The following MGAT4D variants were observed in gnomAD, a reference collection of about 807,000 sequenced individuals.
MGAT4D encodes alpha-1,3-mannosyl-glycoprotein 4-beta-N-acetylglucosaminyltransferase-like protein MGAT4D.
MGAT4D carries 34 observed loss-of-function variants against 15.9 expected under a neutral mutation model. The observed-to-expected ratio is 2.14, with a 90% CI of 1.62 to 2.84. The LOEUF (loss-of-function observed/expected upper bound fraction) is 2.84. Ranked by LOEUF, MGAT4D falls within the 30% of genes most tolerant of loss-of-function variation. The probability of loss-of-function intolerance (pLI) is 0.00; values close to 1 mark genes in which losing one functional copy is unlikely to be tolerated. For missense variants in MGAT4D, 327 were observed against 140.2 expected, an observed-to-expected ratio of 2.33 and a Z score of -6.73; for synonymous variants, 112 against 48.2, an observed-to-expected ratio of 2.33 and a Z score of -5.49.
chr4:140,480,728 AACACACACACACAC>A (rs10615827), intron 2 of MGAT4D, among the ~76,000 whole-genome samples: 5,936 of 125,650 alleles, frequency 0.047, 199 homozygotes, highest in African/African-American at 0.088. Context: ...CTCATCTCTA[AACACACACACACAC>A]ACACACACAC....
rs528798593 is a variant in MGAT4D at position 140,494,812 on chromosome 4, C to G, written c.94+3317G>C. Among the ~76,000 whole-genome samples the G allele has an allele frequency of 1.4e-4, 22 of 152,218 alleles. No homozygotes were observed. The South Asian group carries it at 3.9e-3, about 27-fold the overall frequency. On this transcript the variant is annotated intron_variant, in intron 1 of 10. Coordinates refer to ENST00000511113, the MANE Select transcript of MGAT4D (RefSeq NM_001277353.2). ...TGCTCCTGGCATATCCTGGATAGAA[C>G]CCATGGATGCTGCTAAACATTCTAC...
At chr4:140,483,556 A>G (rs1732886963) in intron 1 of MGAT4D, among the ~76,000 whole-genome samples, 1 of 152,148 alleles carries the variant, frequency 6.6e-6, no homozygotes, top group African/African-American at 2.4e-5. Flanking sequence ...CCAAAAAGCC[A>G]AAGCAATCTT....
intron 8 of MGAT4D, chr4:140,457,849 A>G (rs1045707621): frequency 2.0e-5 from 3 of 152,172 alleles, no homozygotes; most frequent in Admixed American, 6.6e-5. Flanking sequence ...ACTGTTAACA[A>G]TAATTTTCCT....
chr4:140,474,222 A>G (rs1436003686), intron 4 of MGAT4D, among the ~76,000 whole-genome samples: 2 of 152,200 alleles, frequency 1.3e-5, no homozygotes, highest in Non-Finnish European at 2.9e-5. Flanking sequence ...TCTAGGCTTG[A>G]ATCTGCTCTG....
At chr4:140,461,423 G>T (rs1377131086) in intron 7 of MGAT4D, among the ~76,000 whole-genome samples, 1 of 152,048 alleles carries the variant, frequency 6.6e-6, no homozygotes, top group Non-Finnish European at 1.5e-5. Context: ...TAACAATGTG[G>T]AGAGATTTAT....
intron 9 of MGAT4D, among the ~76,000 whole-genome samples, chr4:140,453,643 T>C (rs899703765): frequency 1.3e-5 from 2 of 151,994 alleles, no homozygotes; most frequent in Non-Finnish European, 2.9e-5. Context: ...ATGGGGTAAA[T>C]TTCCCCCATG....
chr4:140,496,751 G>A (rs1007753482), intron 1 of MGAT4D, among the ~76,000 whole-genome samples: 64 of 152,310 alleles, frequency 4.2e-4, no homozygotes, highest in African/African-American at 1.5e-3. Context: ...ACTGAGGCAT[G>A]AGAATTGCTT....
chr4:140,474,021 A>C (rs1342351077), intron 4 of MGAT4D, among the ~76,000 whole-genome samples: 1 of 152,138 alleles, frequency 6.6e-6, no homozygotes, highest in Non-Finnish European at 1.5e-5. Flanking sequence ...GTTTTTATAC[A>C]CTTGCCTGAT....
At chr4:140,481,655 A>G (rs1303671623) in intron 2 of MGAT4D, among the ~76,000 whole-genome samples, 1 of 152,220 alleles carries the variant, frequency 6.6e-6, no homozygotes, top group Non-Finnish European at 1.5e-5. Context: ...AATTGGTGAC[A>G]TGACAATTTG....
intron 4 of MGAT4D, among the ~76,000 whole-genome samples, chr4:140,473,958 C>A (rs574738093): frequency 1.3e-5 from 2 of 152,074 alleles, no homozygotes; most frequent in South Asian, 4.2e-4. Context: ...TGCCCCAGCA[C>A]CATAAAGTGC....
intron 9 of MGAT4D, among the ~76,000 whole-genome samples, chr4:140,454,257 C>T (rs1730655784): frequency 6.6e-6 from 1 of 152,118 alleles, no homozygotes; most frequent in South Asian, 2.1e-4. Context: ...TCTAGATGCT[C>T]TTTAACATGT....
chr4:140,497,857 C>G (rs1410614879), intron 1 of MGAT4D, among the ~76,000 whole-genome samples: 1 of 152,192 alleles, frequency 6.6e-6, no homozygotes, highest in Non-Finnish European at 1.5e-5. Context: ...AAGGGAGCGG[C>G]GGGTACCCTG....
chr4:140,447,496 G>A (rs536897671), intron 10 of MGAT4D, among the ~76,000 whole-genome samples: 1 of 152,202 alleles, frequency 6.6e-6, no homozygotes, highest in East Asian at 1.9e-4. Flanking sequence ...TTTACAGTCT[G>A]TTTGGTCTGA....
rs1732809917 is a variant in MGAT4D, at chr4:140,482,498, C to CATATGT, written c.95-19_95-14dup. The CATATGT allele has an allele frequency of 1.6e-6, 1 of 620,322 alleles. No homozygotes were observed. Among genetic ancestry groups the CATATGT allele is most frequent in the Non-Finnish European group, 2.8e-6 (1 of 353,654 alleles). The allele number at this position is 620,322 out of a possible 1,614,324, so 38.4% of individuals were successfully genotyped here. ...ATTAATTGATTATCTGCAATGAAAA[C>CATATGT]ATATGTATATATTTGTACATGTAGC... On this transcript the variant is annotated splice_polypyrimidine_tract_variant and intron_variant, in intron 1 of 10. Coordinates refer to ENST00000511113, the MANE Select transcript of MGAT4D (RefSeq NM_001277353.2).
chr4:140,484,114 G>A (rs1046600508), intron 1 of MGAT4D, among the ~76,000 whole-genome samples: 1 of 152,018 alleles, frequency 6.6e-6, no homozygotes, highest in Non-Finnish European at 1.5e-5. Flanking sequence ...GACAATCTAT[G>A]GGTTAAAATT....
intron 1 of MGAT4D, among the ~76,000 whole-genome samples, chr4:140,492,240 C>G (rs1733549146): frequency 6.6e-6 from 1 of 151,970 alleles, no homozygotes; most frequent in African/African-American, 2.4e-5. Flanking sequence ...ACCACTGTGT[C>G]GGGAGAGGAG....
intron 3 of MGAT4D, 82 bp downstream of exon 3, chr4:140,479,408 T>C (rs1732546887): frequency 2.6e-6 from 1 of 379,568 alleles, no homozygotes. Flanking sequence ...AAGATAATAA[T>C]GGATTACATC....
intron 1 of MGAT4D, 108 bp downstream of exon 1, chr4:140,498,021 C>T (rs1274673403): frequency 5.4e-6 from 3 of 554,454 alleles, no homozygotes; most frequent in Non-Finnish European, 9.5e-6. Flanking sequence ...CGGCCGCCGC[C>T]AGCTTCCCGC....
intron 4 of MGAT4D, among the ~76,000 whole-genome samples, chr4:140,472,652 T>C (rs951894608): frequency 6.6e-6 from 1 of 152,212 alleles, no homozygotes. Context: ...CTGAAACATA[T>C]TGTATTTTAA....
Sources: gnomAD v4.1 joint callset for allele counts (sites outside exome capture counted in the v4.1 genomes callset) on GRCh38, gnomAD v4.1.1 for gene constraint, MANE v1.5 for transcripts, NCBI Gene and HGNC (gene_info 2026-07-23, HGNC 2026-07-21) for gene names.